The following ELK3 variants were observed in gnomAD, a reference collection of about 807,000 sequenced individuals.
ELK3 encodes the protein ETS domain-containing protein Elk-3.
A neutral mutation model predicts 28.9 loss-of-function variants in ELK3; 10 were observed. That is an observed-to-expected ratio of 0.35 (90% CI 0.21 to 0.59). The LOEUF is 0.59. Ranked by LOEUF, ELK3 falls within the 20% of genes least tolerant of loss-of-function variation. The pLI is 0.82. For synonymous variants in ELK3, 272 were observed against 243.5 expected (o/e 1.12, Z -1.09); for missense variants, 463 against 517.3 (o/e 0.90, Z 1.02).
Position 96,268,287 on chromosome 12 carries a change from T to TA in ELK3, c.*1110dup, listed in dbSNP as rs1291994146. ...TAATACAAATAGAGAGTGGAGGTACTAAAGGCCTTGCTTGTGGAAACTGAG... is the reference window on the plus strand; with the variant it reads ...TAATACAAATAGAGAGTGGAGGTACTAAAAGGCCTTGCTTGTGGAAACTGAG... On this transcript the variant is annotated 3_prime_UTR_variant, in exon 5 of 5. Transcript: ENST00000228741. 6.6e-6 allele frequency: 1 copy of TA among 152,204 alleles called. No individual in the cohort carries two copies. Among genetic ancestry groups the TA allele is most frequent in the African/African-American group, 2.4e-5 (1 of 41,458 alleles). The allele number at this position is 152,204 out of a possible 1,614,324, so 9.4% of individuals were successfully genotyped here.
In ELK3 at chr12:96,234,505, CCACG is replaced by C. The variant is rs771381148; in HGVS notation, c.207+10734_207+10737del. ...ATAGCACCCACCACCCGCCGTCCAC[CCACG>C]CCTCAGCTGCTCCTCTGCACGGCCT... On this transcript the variant is annotated intron_variant, in intron 2 of 4. Coordinates refer to ENST00000228741, the MANE Select transcript of ELK3 (RefSeq NM_005230.4). Among the ~76,000 whole-genome samples, 541 of 152,262 alleles carry C rather than the reference CCACG, an allele frequency of 3.6e-3. 6 individuals are homozygous for C. Among genetic ancestry groups the C allele is most frequent in the Non-Finnish European group, 6.3e-3 (428 of 68,010 alleles).
chr12:96,197,181 G>A (rs1359412693), intron 1 of ELK3, among the ~76,000 whole-genome samples: 1 of 152,134 alleles, frequency 6.6e-6, no homozygotes, highest in East Asian at 1.9e-4. Context: ...CTCCTTCTAA[G>A]TAATTATTTG....
chr12:96,266,973 G>T, intron 4 of ELK3, 109 bp from the exon 5 acceptor site: 1 of 753,566 alleles, frequency 1.3e-6, no homozygotes, highest in Non-Finnish European at 2.0e-6. Flanking sequence ...CTCTATCACA[G>T]GGGTGATGAG....
chr12:96,233,139 C>T (rs1951755473), intron 2 of ELK3, among the ~76,000 whole-genome samples: 1 of 152,106 alleles, frequency 6.6e-6, no homozygotes. Context: ...CCGAGTTGGC[C>T]CTATCACACC....
chr12:96,195,806 T>C (rs1478522838), intron 1 of ELK3, among the ~76,000 whole-genome samples: 1 of 152,126 alleles, frequency 6.6e-6, no homozygotes, highest in Admixed American at 6.5e-5. Flanking sequence ...TGTGGTTTGC[T>C]CCTTCTTAGG....
chr12:96,243,775 G>A (rs1193186630), intron 2 of ELK3, among the ~76,000 whole-genome samples: 5 of 150,324 alleles, frequency 3.3e-5, no homozygotes, highest in South Asian at 2.1e-4. Flanking sequence ...TCAGGGAGGC[G>A]GAGCTTGCAG....
At chr12:96,254,573 G>A (rs948165237) in intron 3 of ELK3, among the ~76,000 whole-genome samples, 14 of 152,070 alleles carry the variant, frequency 9.2e-5, no homozygotes, top group African/African-American at 2.2e-4. Flanking sequence ...GGGCAAGATC[G>A]TTTAGTTCAG....
chr12:96,256,155 G>C (rs1179365560), intron 3 of ELK3, among the ~76,000 whole-genome samples: 1 of 152,148 alleles, frequency 6.6e-6, no homozygotes, highest in Non-Finnish European at 1.5e-5. Flanking sequence ...CAGCTGTTGT[G>C]GAATGCCATC....
chr12:96,259,691 G>GT lies in ELK3; in HGVS notation c.1003-39dup, dbSNP rs1194654163. 5.7e-6 allele frequency: 9 copies of GT among 1,582,574 alleles called. No homozygotes were observed. The South Asian group carries it at 1.0e-4, about 18-fold the overall frequency. On this transcript the variant is annotated intron_variant, in intron 3 of 4. Transcript: ENST00000228741. Reference sequence around the variant, plus strand: ...CTCTGTTGATCATGGCCCAAGTCAGGTGAACCTATATGAAGAAGTCTGTTT... The same window carrying GT: ...CTCTGTTGATCATGGCCCAAGTCAGGTTGAACCTATATGAAGAAGTCTGTTT...
intron 1 of ELK3, chr12:96,213,833 C>T (rs1951592222): frequency 6.6e-6 from 1 of 152,042 alleles, no homozygotes; most frequent in South Asian, 2.1e-4. Flanking sequence ...TTAAGTGATC[C>T]TCCTGCCTCA....
At chr12:96,216,253 C>T (rs1209635842) in intron 1 of ELK3, among the ~76,000 whole-genome samples, 1 of 152,102 alleles carries the variant, frequency 6.6e-6, no homozygotes, top group Non-Finnish European at 1.5e-5. Context: ...CCAGAGAAAC[C>T]ACATAGATGG....
intron 2 of ELK3, among the ~76,000 whole-genome samples, chr12:96,242,596 A>T (rs1429237050): frequency 6.6e-6 from 1 of 152,154 alleles, no homozygotes; most frequent in Non-Finnish European, 1.5e-5. Flanking sequence ...ATAAGGAAGA[A>T]GGGGCTGTCA....
At chr12:96,221,581 A>C (rs537051518) in intron 1 of ELK3, among the ~76,000 whole-genome samples, 108 of 152,302 alleles carry the variant, frequency 7.1e-4, no homozygotes, top group Non-Finnish European at 1.3e-3. Flanking sequence ...AAATCTCAAG[A>C]ATTTGCGACA....
chr12:96,242,783 C>A (rs1003182220), intron 2 of ELK3, among the ~76,000 whole-genome samples: 7 of 152,194 alleles, frequency 4.6e-5, no homozygotes, highest in Non-Finnish European at 7.3e-5. Flanking sequence ...TGCCCTCTTC[C>A]CTCCCAGTTC....
At chr12:96,242,314 A>G (rs753497397) in intron 2 of ELK3, among the ~76,000 whole-genome samples, 3 of 152,206 alleles carry the variant, frequency 2.0e-5, no homozygotes, top group Non-Finnish European at 2.9e-5. Context: ...CAAGCTTCCA[A>G]CAGTGTATAA....
At chr12:96,248,793 T>G (rs1951879348) in intron 3 of ELK3, among the ~76,000 whole-genome samples, 1 of 152,226 alleles carries the variant, frequency 6.6e-6, no homozygotes, top group African/African-American at 2.4e-5. Context: ...CCAGATGCTT[T>G]ACATGCATTG....
chr12:96,261,466 C>T (rs1011057271), intron 4 of ELK3, among the ~76,000 whole-genome samples: 4 of 152,106 alleles, frequency 2.6e-5, no homozygotes, highest in Non-Finnish European at 5.9e-5. Flanking sequence ...GATAAAAACA[C>T]CTCATTTCCT....
chr12:96,241,964 G>A (rs894509298), intron 2 of ELK3, among the ~76,000 whole-genome samples: 5 of 152,186 alleles, frequency 3.3e-5, no homozygotes, highest in African/African-American at 1.2e-4. Context: ...GTATTTAATG[G>A]GAAATTACAA....
rs1248183205 is a variant in ELK3, at chr12:96,259,760, T to C, written c.1032T>C (p.Ser344=). 1.2e-6 allele frequency: 2 copies of C among 1,610,754 alleles called. No homozygotes were observed. The highest frequency in any genetic ancestry group is 3.3e-5 in the Admixed American group (2 of 59,840). ...CAAATGGATTGCTTCTGACTCCGAG[T>C]CCACTGCTCTCCAGCATACATTTCT... ...QTPNGLLLTP[S]PLLSSIHFWS... is the part of the protein sequence containing the mutation. Residue 344 remains serine (S), a synonymous_variant, in exon 4 of 5, where the codon AGT becomes AGC. Transcript: ENST00000228741.
Sources: allele counts gnomAD v4.1 joint callset (sites outside exome capture counted in the v4.1 genomes callset), GRCh38; gene constraint gnomAD v4.1.1; transcripts MANE v1.5; gene names NCBI Gene and HGNC (gene_info 2026-07-23, HGNC 2026-07-21).